Variants in MRPL3 observed in about 807,000 individuals in gnomAD.
MRPL3 encodes mitochondrial ribosomal protein L3.
A neutral mutation model predicts 44.3 loss-of-function variants in MRPL3; 43 were observed. The observed-to-expected ratio is 0.97, with a 90% confidence interval of 0.76 to 1.25. The LOEUF (loss-of-function observed/expected upper bound fraction) is 1.25, where lower values mean the gene tolerates loss of function less well. MRPL3 is among the 50% of genes most tolerant of loss of function. MRPL3 has a pLI of 0.00. For missense variants in MRPL3, 406 were observed against 427.6 expected, an observed-to-expected ratio of 0.95 and a Z score of 0.45; for synonymous variants, 171 against 152.3, an observed-to-expected ratio of 1.12 and a Z score of -0.91.
intron 6 of MRPL3, among the ~76,000 whole-genome samples, chr3:131,476,145 C>T (rs1322325863): frequency 6.6e-6 from 1 of 152,204 alleles, no homozygotes. Context: ...CCTGAAAGTG[C>T]TAATTATCTG....
In MRPL3 at chr3:131,489,969, A is replaced by C. The variant is rs776546189; in HGVS notation, c.568+12T>G. ...TATTTTTACCTCCCTCCTCTCCCCA[A>C]CCTCAAATTACCTGGTTTAATTGCA... is the stretch of plus-strand genomic sequence containing the variant. On this transcript the variant is annotated intron_variant, in intron 5 of 9. Coordinates refer to ENST00000264995, the MANE Select transcript of MRPL3 (RefSeq NM_007208.4). The C allele has an allele frequency of 1.5e-5, 24 of 1,559,868 alleles. No individual in the cohort carries two copies. The highest frequency in any genetic ancestry group is 2.1e-5 in the Non-Finnish European group (24 of 1,132,768).
chr3:131,491,422 C>A (rs1157321308), intron 4 of MRPL3, among the ~76,000 whole-genome samples: 1 of 152,106 alleles, frequency 6.6e-6, no homozygotes, highest in Non-Finnish European at 1.5e-5. Context: ...AACTTCAATT[C>A]CAAATTCTAC....
chr3:131,471,366 T>G (rs762908734), intron 6 of MRPL3, 87 bp from the exon 7 acceptor site: 7 of 877,258 alleles, frequency 8.0e-6, no homozygotes, highest in Non-Finnish European at 1.3e-5. Flanking sequence ...ACTGTACACA[T>G]TCTTGTTAGA....
At chr3:131,486,618 A>C (rs1031990706) in intron 6 of MRPL3, among the ~76,000 whole-genome samples, 1 of 152,108 alleles carries the variant, frequency 6.6e-6, no homozygotes, top group Non-Finnish European at 1.5e-5. Context: ...ATTTACAAGA[A>C]AAAAACCAAC....
rs766877816 is a variant in MRPL3, at chr3:131,502,693, G to C, written c.92+37C>G. ...CCAGGCCATTCCACTGCTTCAGGACGCAACTGTGCAGGTAGGACACCCTCA... is the reference window on the plus strand; with the variant it reads ...CCAGGCCATTCCACTGCTTCAGGACCCAACTGTGCAGGTAGGACACCCTCA... On this transcript the variant is annotated intron_variant, in intron 1 of 9. Coordinates refer to ENST00000264995, the MANE Select transcript of MRPL3 (RefSeq NM_007208.4). 4 of 1,547,818 alleles carry C rather than the reference G, an allele frequency of 2.6e-6. No individual in the cohort carries two copies. In the East Asian group the frequency reaches 6.9e-5, roughly 27 times the overall value.
intron 9 of MRPL3, among the ~76,000 whole-genome samples, chr3:131,463,124 C>T (rs1378816586): frequency 1.3e-5 from 2 of 152,134 alleles, no homozygotes; most frequent in African/African-American, 2.4e-5. Context: ...TGTATCTTAA[C>T]TTGTAAGAAT....
chr3:131,501,952 G>C (rs562550368), intron 1 of MRPL3: 1 of 1,516,548 alleles, frequency 6.6e-7, no homozygotes, highest in East Asian at 2.5e-5. Flanking sequence ...TCTTCTCCTC[G>C]CAGATAAACA....
intron 4 of MRPL3, among the ~76,000 whole-genome samples, chr3:131,493,215 AAGAGGGAAC>A (rs1240728966): frequency 6.6e-6 from 1 of 152,166 alleles, no homozygotes; most frequent in Non-Finnish European, 1.5e-5. Flanking sequence ...AAAGTTGAGG[AAGAGGGAAC>A]AGCAGGTAGA....
chr3:131,466,048 C>T (rs891517312), intron 9 of MRPL3, among the ~76,000 whole-genome samples: 1 of 152,018 alleles, frequency 6.6e-6, no homozygotes, highest in African/African-American at 2.4e-5. Flanking sequence ...ATTACAGATG[C>T]AAGCCACCAG....
chr3:131,499,658 G>A (rs1275326558), intron 3 of MRPL3, among the ~76,000 whole-genome samples: 3 of 152,050 alleles, frequency 2.0e-5, no homozygotes, highest in African/African-American at 7.2e-5. Flanking sequence ...ACTTGCCTAA[G>A]ACTAAGCCCC....
intron 6 of MRPL3, among the ~76,000 whole-genome samples, chr3:131,474,651 C>T (rs1478430037): frequency 6.6e-6 from 1 of 151,898 alleles, no homozygotes; most frequent in Non-Finnish European, 1.5e-5. Flanking sequence ...ACTTGTACCC[C>T]ATAAATACAA....
intron 4 of MRPL3, among the ~76,000 whole-genome samples, chr3:131,493,793 A>G (rs1173878201): frequency 6.6e-6 from 1 of 152,182 alleles, no homozygotes; most frequent in East Asian, 1.9e-4. Context: ...CTATTATAAA[A>G]CCAAACCAAT....
At chr3:131,468,254 A>G in intron 8 of MRPL3, 86 bp from the exon 9 acceptor site, 1 of 707,458 alleles carries the variant, frequency 1.4e-6, no homozygotes, top group Non-Finnish European at 2.4e-6. Context: ...AGTTGCTTGT[A>G]AAGTAATAAA....
At chr3:131,466,213 GA>G (rs759364645) in intron 9 of MRPL3, among the ~76,000 whole-genome samples, 3 of 150,984 alleles carry the variant, frequency 2.0e-5, no homozygotes, top group African/African-American at 7.3e-5. Flanking sequence ...ACCTAGAAAT[GA>G]AAAAAAATAT....
At chr3:131,486,105 T>C (rs1934111947) in intron 6 of MRPL3, among the ~76,000 whole-genome samples, 1 of 152,026 alleles carries the variant, frequency 6.6e-6, no homozygotes, top group Non-Finnish European at 1.5e-5. Flanking sequence ...TAATAAATGG[T>C]GCTGGGAAAA....
At position 131,498,166 on chromosome 3, in the gene MRPL3, A is replaced by C. The variant is rs747837791; in HGVS notation, c.468+13T>G. The C allele has an allele frequency of 1.3e-6, 2 of 1,544,392 alleles. No individual in the cohort carries two copies. ...AAAAATGCAGTATTCTAGCTATGAAAATACATCCTTACACGAAAACGTGAT... is the reference window on the plus strand; with the variant it reads ...AAAAATGCAGTATTCTAGCTATGAACATACATCCTTACACGAAAACGTGAT... On this transcript the variant is annotated intron_variant, in intron 4 of 9. Transcript: ENST00000264995.
chr3:131,476,608 G>T (rs1464926639), intron 6 of MRPL3, among the ~76,000 whole-genome samples: 1 of 152,066 alleles, frequency 6.6e-6, no homozygotes, highest in Non-Finnish European at 1.5e-5. Flanking sequence ...AGAACATAGA[G>T]ATCCCAATTT....
At chr3:131,480,202 T>C (rs1002425515) in intron 6 of MRPL3, among the ~76,000 whole-genome samples, 2 of 152,236 alleles carry the variant, frequency 1.3e-5, no homozygotes, top group African/African-American at 4.8e-5. Flanking sequence ...TGTTTCCTAC[T>C]TACTTGCATT....
At chr3:131,490,700 C>A (rs1934237389) in intron 4 of MRPL3, among the ~76,000 whole-genome samples, 1 of 152,194 alleles carries the variant, frequency 6.6e-6, no homozygotes, top group South Asian at 2.1e-4. Flanking sequence ...ATTGTCTATA[C>A]CAGCACTAAT....
Sources: gnomAD v4.1 joint callset for allele counts (sites outside exome capture counted in the v4.1 genomes callset) on GRCh38, gnomAD v4.1.1 for gene constraint, MANE v1.5 for transcripts, NCBI Gene and HGNC (gene_info 2026-07-23, HGNC 2026-07-21) for gene names.